RRP12: variants seen among roughly 807,000 people sequenced by gnomAD.
RRP12 encodes ribosomal RNA processing 12 homolog, also known as RRP12-like protein.
Under a neutral mutation model 157.3 loss-of-function variants are expected in RRP12, and 78 were observed. The observed-to-expected ratio is 0.50, with a 90% CI of 0.41 to 0.60. The LOEUF (loss-of-function observed/expected upper bound fraction) is 0.60. Ranked by LOEUF, RRP12 falls within the 20% of genes least tolerant of loss-of-function variation. The probability of loss-of-function intolerance (pLI) is 0.00; values close to 1 mark genes in which losing one functional copy is unlikely to be tolerated. For synonymous variants in RRP12, 726 were observed against 670.9 expected, an observed-to-expected ratio of 1.08 and a Z score of -1.27; for missense variants, 1,521 against 1,679.9, an observed-to-expected ratio of 0.91 and a Z score of 1.65.
chr10:97,388,468 C>T lies in RRP12; in HGVS notation c.889+21G>A, dbSNP rs766086734. Reference sequence around the variant, plus strand: ...CCAGCCACTGCCTCCCATCCACCTGCCCTCCATTTGGGTTCCCCACCTCCA... The same window carrying T: ...CCAGCCACTGCCTCCCATCCACCTGTCCTCCATTTGGGTTCCCCACCTCCA... On this transcript the variant is annotated intron_variant, in intron 7 of 33. Transcript: ENST00000370992. 2.2e-5 allele frequency: 35 copies of T among 1,613,500 alleles called. No homozygotes were observed. In the South Asian group the frequency reaches 2.4e-4, roughly 11 times the overall value.
At chr10:97,379,888 G>T in intron 13 of RRP12, 118 bp from the exon 14 acceptor site, 1 of 955,030 alleles carries the variant, frequency 1.0e-6, no homozygotes, top group South Asian at 2.1e-5. Flanking sequence ...TACACCAGAG[G>T]GTACAGACTG....
rs996871939 is a variant in RRP12, at chr10:97,358,931, T to G, written c.3708+12A>C. On this transcript the variant is annotated intron_variant, in intron 32 of 33. Transcript: ENST00000370992. ...GTGCCAGGAGACCCCATGCCCTACA[T>G]GCAGCACTTACCTTGGCCTTGTATT... 1 of 1,610,772 alleles carries G rather than the reference T, an allele frequency of 6.2e-7. No individual in the cohort carries two copies. The highest frequency in any genetic ancestry group is 8.5e-7 in the Non-Finnish European group (1 of 1,177,210).
rs1393636233 is a variant in RRP12, at chr10:97,370,966, G to A, written c.2459C>T (p.Thr820Ile). 2 of 1,613,922 alleles carry A rather than the reference G, an allele frequency of 1.2e-6. No homozygotes were observed. The highest frequency in any genetic ancestry group is 1.7e-6 in the Non-Finnish European group (2 of 1,180,020). ...GGTGCTCCGCAGCGAGTCCAGCAGT[G>A]TCTTCTTCAGGTCCTCCAGGTGGCT... ...VQSHLEDLKKTLLDSLRSTSS... is the reference protein window; with the variant it reads ...VQSHLEDLKKILLDSLRSTSS... Residue 820 changes from threonine to isoleucine, a missense_variant, in exon 21 of 34, where the codon ACA (threonine) becomes ATA (isoleucine). Thr to Ile is a moderately conservative substitution (Grantham distance 89, BLOSUM62 -1). Coordinates refer to ENST00000370992, the MANE Select transcript of RRP12 (RefSeq NM_015179.4).
At chr10:97,399,714 A>T (rs1395844820) in intron 2 of RRP12, among the ~76,000 whole-genome samples, 7 of 151,556 alleles carry the variant, frequency 4.6e-5, no homozygotes, top group Non-Finnish European at 8.8e-5. Context: ...CACACAAAAA[A>T]TTAGCTACTT....
At chr10:97,370,409 C>T (rs371596380) in intron 23 of RRP12, 46 bp downstream of exon 23, 20 of 1,350,432 alleles carry the variant, frequency 1.5e-5, no homozygotes, top group Non-Finnish European at 2.0e-5. Context: ...CTTCCCCCCA[C>T]CCAGTCTATG....
chr10:97,361,940 C>T lies in RRP12; in HGVS notation c.3568-1322G>A, dbSNP rs7905026. On this transcript the variant is annotated intron_variant, in intron 30 of 33. Transcript: ENST00000370992. Reference sequence around the variant, plus strand: ...TGACCAACATGATGAAACCCCATCTCCACTAAAAATACAAAAATTAGCTGG... The same window carrying T: ...TGACCAACATGATGAAACCCCATCTTCACTAAAAATACAAAAATTAGCTGG... Among the ~76,000 whole-genome samples, 3 of 151,834 alleles carry T rather than the reference C, an allele frequency of 2.0e-5. No homozygotes were observed. The East Asian group carries it at 5.8e-4, about 29-fold the overall frequency.
Position 97,381,839 on chromosome 10 carries a change from A to T in RRP12, c.1209-13T>A. On this transcript the variant is annotated splice_polypyrimidine_tract_variant and intron_variant, in intron 10 of 33. Coordinates refer to ENST00000370992, the MANE Select transcript of RRP12 (RefSeq NM_015179.4). ...GTCCCACTGCAACCTGTCAAGACAA[A>T]AGGTTTCTGTGGGGCCTGGCCTGAG... 6.2e-7 allele frequency: 1 copy of T among 1,604,872 alleles called. No homozygotes were observed. The highest frequency in any genetic ancestry group is 8.5e-7 in the Non-Finnish European group (1 of 1,172,094).
chr10:97,377,818 T>C (rs1161257916), intron 15 of RRP12, among the ~76,000 whole-genome samples: 2 of 132,878 alleles, frequency 1.5e-5, no homozygotes, highest in African/African-American at 2.9e-5. Flanking sequence ...CACTCCAGCC[T>C]GGGTGACAAG....
rs1347414580 is a variant in RRP12 at position 97,370,288 on chromosome 10, C to T, written c.2690-14G>A. On this transcript the variant is annotated splice_polypyrimidine_tract_variant and intron_variant, in intron 23 of 33. Coordinates refer to ENST00000370992, the MANE Select transcript of RRP12 (RefSeq NM_015179.4). The stretch of plus-strand genomic sequence containing the variant: ...ACTGCAGGGCCTCTGGGGACAGAGA[C>T]CAACGTGGGTCAAGCAGGAAGGACC... 3 of 1,570,308 alleles carry T rather than the reference C, an allele frequency of 1.9e-6. No homozygotes were observed. The highest frequency in any genetic ancestry group is 4.6e-5 in the East Asian group (2 of 43,618).
intron 30 of RRP12, among the ~76,000 whole-genome samples, 187 bp from the exon 31 acceptor site, chr10:97,360,805 CCAGG>C (rs1215065173): frequency 2.0e-5 from 3 of 152,158 alleles, no homozygotes; most frequent in African/African-American, 7.2e-5. Context: ...GATCACAAAG[CCAGG>C]CAGTGCAGAA....
intron 29 of RRP12, among the ~76,000 whole-genome samples, chr10:97,365,575 G>C (rs1370588330): frequency 6.6e-6 from 1 of 152,016 alleles, no homozygotes; most frequent in East Asian, 1.9e-4. Flanking sequence ...GCCTGGCGAA[G>C]ACCTAAGTGT....
intron 29 of RRP12, 189 bp downstream of exon 29, chr10:97,365,919 A>C: frequency 1.4e-6 from 1 of 712,832 alleles, no homozygotes; most frequent in Non-Finnish European, 2.4e-6. Flanking sequence ...GTATTGTATA[A>C]ATGGCTCGGT....
In RRP12 at chr10:97,369,474, G is replaced by A. The variant is rs752662207; in HGVS notation, c.2906C>T (p.Ala969Val). ...GTGCGCCACGTCCATGACAGTCACT[G>A]CCACCTTGATGAAGCCCAGTGCAGA... is the stretch of plus-strand genomic sequence containing the variant. ...VKSALGFIKV[A>V]VTVMDVAHLA... Residue 969 changes from alanine to valine, a missense_variant, in exon 25 of 34, where the codon GCA becomes GTA. Ala to Val is a moderately conservative substitution (Grantham distance 64). Transcript: ENST00000370992. 6 of 1,611,642 alleles carry A rather than the reference G, an allele frequency of 3.7e-6. No individual in the cohort carries two copies. The highest frequency in any genetic ancestry group is 3.3e-4 in the Middle Eastern group (2 of 6,076).
intron 15 of RRP12, among the ~76,000 whole-genome samples, chr10:97,374,771 CA>C (rs775889963): frequency 4.2e-3 from 381 of 90,642 alleles, no homozygotes; most frequent in Non-Finnish European, 5.0e-3. Context: ...GACTCTGTCT[CA>C]AAAAAAAAAA....
At chr10:97,378,348 G>T (rs1295753556) in intron 15 of RRP12, among the ~76,000 whole-genome samples, 2 of 152,170 alleles carry the variant, frequency 1.3e-5, no homozygotes, top group African/African-American at 4.8e-5. Flanking sequence ...GGGCTATGTG[G>T]TATAGTCTAT....
intron 33 of RRP12, among the ~76,000 whole-genome samples, 164 bp from the exon 34 acceptor site, chr10:97,357,360 C>G (rs991172668): frequency 1.2e-4 from 18 of 152,190 alleles, no homozygotes; most frequent in African/African-American, 4.3e-4. Flanking sequence ...CCAGCTTCCA[C>G]ACGGCTCATG....
intron 4 of RRP12, chr10:97,393,198 G>A (rs1205548648): frequency 2.3e-6 from 1 of 430,584 alleles, no homozygotes; most frequent in Non-Finnish European, 4.6e-6. Flanking sequence ...TTTCAATAGA[G>A]CTTTCTGACT....
intron 30 of RRP12, among the ~76,000 whole-genome samples, chr10:97,360,914 AG>A (rs1324639762): frequency 6.6e-6 from 1 of 152,206 alleles, no homozygotes; most frequent in Non-Finnish European, 1.5e-5. Context: ...GCAATTGCCC[AG>A]AGGGCTTCTG....
intron 3 of RRP12, among the ~76,000 whole-genome samples, chr10:97,395,850 C>CAAAAAA (rs548342202): frequency 9.5e-6 from 1 of 105,368 alleles, no homozygotes; most frequent in African/African-American, 3.2e-5. Flanking sequence ...GACTCCGCCT[C>CAAAAAA]AAAAAAAAAA....
Sources: gnomAD v4.1 joint callset for allele counts (sites outside exome capture counted in the v4.1 genomes callset) on GRCh38, gnomAD v4.1.1 for gene constraint, MANE v1.5 for transcripts, NCBI Gene and HGNC (gene_info 2026-07-23, HGNC 2026-07-21) for gene names.